Variants in SAFB observed in about 807,000 individuals in gnomAD.
The protein encoded by SAFB is scaffold attachment factor B, also known as scaffold attachment factor B1.
A neutral mutation model predicts 101.6 loss-of-function variants in SAFB; 15 were observed. The ratio of observed to expected loss-of-function variants is 0.15; its 90% CI spans 0.10 to 0.23. The LOEUF (loss-of-function observed/expected upper bound fraction) is 0.23, where lower values mean the gene tolerates loss of function less well. Among genes scored for constraint, SAFB ranks in the 10% least tolerant of loss-of-function variants. The probability of loss-of-function intolerance (pLI) is 1.00; values close to 1 mark genes in which losing one functional copy is unlikely to be tolerated. For missense variants in SAFB, 930 were observed against 1,104.1 expected (o/e 0.84, Z 2.23); for synonymous variants, 449 against 407.5 (o/e 1.10, Z -1.23).
At chr19:5,623,605 G>A (rs1443874363) in intron 1 of SAFB, among the ~76,000 whole-genome samples, 1 of 152,168 alleles carries the variant, frequency 6.6e-6, no homozygotes, top group African/African-American at 2.4e-5. Context: ...AATGGGGCCA[G>A]GAGAACCACA....
At chr19:5,653,067 GCTCAGTGGGCTTCATGT>G (rs1568269610) in intron 9 of SAFB, 31 bp from the exon 10 acceptor site, 1 of 1,606,866 alleles carries the variant, frequency 6.2e-7, no homozygotes, top group East Asian at 2.2e-5. Flanking sequence ...CCCATGCCCC[GCTCAGTGGGCTTCATGT>G]CTGAGTCATA....
At position 5,649,950 on chromosome 19, in the gene SAFB, A is replaced by T; in HGVS notation, c.1173A>T (p.Thr391=). 6.2e-7 allele frequency: 1 copy of T among 1,613,862 alleles called. No homozygotes were observed. The highest frequency in any genetic ancestry group is 2.2e-5 in the East Asian group (1 of 44,872). The change falls in exon 8 of 21, where the codon ACA becomes ACT. Residue 391 remains threonine (T), a synonymous_variant. Coordinates refer to ENST00000588852, the MANE Select transcript of SAFB (RefSeq NM_001201338.2). ...KMSSPEDDSD[T]KRLSKEEKGR... is the part of the protein sequence containing the mutation. ...GTTCTCCCGAAGATGACTCGGATAC[A>T]AAAAGGCTTTCCAAAGAGGAAAAGG...
In SAFB at chr19:5,667,181, C is replaced by A; in HGVS notation, c.2453+17C>A. 1.4e-6 allele frequency: 2 copies of A among 1,454,062 alleles called. No homozygotes were observed. The highest frequency in any genetic ancestry group is 2.3e-5 in the East Asian group (1 of 43,616). 90.1% of individuals were successfully genotyped at this position (1,454,062 alleles called of 1,614,324 possible). ...TCCCCCCAGGTTTGTGTCCCACACC[C>A]GACAGTACCTGACCCCCCCCCCGCC... On this transcript the variant is annotated intron_variant, in intron 18 of 20. Coordinates refer to ENST00000588852, the MANE Select transcript of SAFB (RefSeq NM_001201338.2). The surrounding 1 kb of genome is among the most constrained non-coding windows in gnomAD (Gnocchi z 4.0).
At chr19:5,639,110 A>T (rs1266565422) in intron 2 of SAFB, among the ~76,000 whole-genome samples, 1 of 152,248 alleles carries the variant, frequency 6.6e-6, no homozygotes, top group Admixed American at 6.5e-5. Flanking sequence ...GAGAATGGAA[A>T]CAAGTAATCC....
chr19:5,655,436 GGAGA>G (rs917414229), intron 13 of SAFB, among the ~76,000 whole-genome samples: 18 of 148,550 alleles, frequency 1.2e-4, no homozygotes, highest in African/African-American at 4.5e-4. Flanking sequence ...CTCTAGCCTG[GGAGA>G]GAGAGTGAGA....
Position 5,659,521 on chromosome 19 carries a change from A to G in SAFB, c.1863-1997A>G, listed in dbSNP as rs781481404. The stretch of plus-strand genomic sequence containing the variant: ...CTCAGCCTCCCTAGTAACTGGGACT[A>G]CAGGCGCCTGCCATCATGCCCAGCT... On this transcript the variant is annotated intron_variant, in intron 14 of 20. Coordinates refer to ENST00000588852, the MANE Select transcript of SAFB (RefSeq NM_001201338.2). Among the ~76,000 whole-genome samples the G allele has an allele frequency of 6.4e-4, 97 of 151,802 alleles. 1 individual carries two copies. In the Middle Eastern group the frequency reaches 0.01, roughly 16 times the overall value.
chr19:5,623,504 C>G (rs933947173), intron 1 of SAFB, 110 bp downstream of exon 1: 6 of 864,954 alleles, frequency 6.9e-6, no homozygotes, highest in Non-Finnish European at 1.0e-5. Context: ...GCGGCCTCGC[C>G]GGACCTGGCG....
chr19:5,623,138 T>G lies in SAFB; in HGVS notation c.-68T>G. The G allele has an allele frequency of 3.4e-6, 5 of 1,472,858 alleles. No individual in the cohort carries two copies. Among genetic ancestry groups the G allele is most frequent in the Non-Finnish European group, 4.6e-6 (5 of 1,089,160 alleles). 91.2% of individuals were successfully genotyped at this position (1,472,858 alleles called of 1,614,324 possible). On this transcript the variant is annotated 5_prime_UTR_variant, in exon 1 of 21. Transcript: ENST00000588852. ...GGTTCCCTCGCAGGCGGCGCCATTT[T>G]GTGCTAGGAGCCTGATAAAACCGGC... is the stretch of plus-strand genomic sequence containing the variant.
intron 1 of SAFB, among the ~76,000 whole-genome samples, chr19:5,623,696 C>T (rs1055544117): frequency 1.2e-4 from 19 of 152,228 alleles, no homozygotes; most frequent in Admixed American, 4.6e-4. Context: ...CTCGTCCCCT[C>T]CTCCGTACCT....
intron 2 of SAFB, among the ~76,000 whole-genome samples, chr19:5,634,996 G>A (rs1350476316): frequency 6.6e-6 from 1 of 152,006 alleles, no homozygotes; most frequent in African/African-American, 2.4e-5. Context: ...AAATTAACCG[G>A]GTGTGGTGGC....
At chr19:5,649,762 G>C (rs2053895074) in intron 7 of SAFB, 164 bp from the exon 8 acceptor site, 1 of 805,246 alleles carries the variant, frequency 1.2e-6, no homozygotes, top group East Asian at 2.7e-5. Context: ...CTGTGGGTCT[G>C]AAATCTTATG....
At chr19:5,626,257 A>C in intron 1 of SAFB, 148 bp from the exon 2 acceptor site, 5 of 552,746 alleles carry the variant, frequency 9.0e-6, no homozygotes, top group South Asian at 2.4e-5. Flanking sequence ...GAGATAACAG[A>C]TGAGTGGATG....
chr19:5,627,087 A>T (rs2053381715), intron 2 of SAFB, among the ~76,000 whole-genome samples: 1 of 151,592 alleles, frequency 6.6e-6, no homozygotes, highest in Non-Finnish European at 1.5e-5. Context: ...TAGGAGGGGG[A>T]TCACTTGAGC....
chr19:5,646,680 G>A (rs2053834342), intron 5 of SAFB, among the ~76,000 whole-genome samples: 1 of 152,244 alleles, frequency 6.6e-6, no homozygotes, highest in African/African-American at 2.4e-5. Context: ...GTTTCATAGA[G>A]CATCCTGGAA....
intron 2 of SAFB, among the ~76,000 whole-genome samples, chr19:5,640,926 G>C (rs898679157): frequency 3.0e-5 from 4 of 134,092 alleles, no homozygotes; most frequent in Non-Finnish European, 4.8e-5. Context: ...TGGGTTTTTT[G>C]TTTTTCTTTT....
Position 5,661,909 on chromosome 19 carries a change from G to C in SAFB, c.2153+101G>C, listed in dbSNP as rs1303422426. 115 of 876,584 alleles carry C rather than the reference G, an allele frequency of 1.3e-4. No individual in the cohort carries two copies. The African/African-American group carries it at 1.7e-3, about 13-fold the overall frequency. 54.3% of individuals were successfully genotyped at this position (876,584 alleles called of 1,614,324 possible). A position where few individuals can be genotyped will look rare whatever the true frequency, so the allele number is the denominator to read the frequency against. ...GATTTTTTTTTTTTTTTTTGAGACG[G>C]AGTCTTGCTTTGTCGCGGAGGCTGG... On this transcript the variant is annotated intron_variant, in intron 15 of 20. Transcript: ENST00000588852.
chr19:5,633,974 AG>A (rs1427884616), intron 2 of SAFB, among the ~76,000 whole-genome samples: 2 of 152,110 alleles, frequency 1.3e-5, no homozygotes, highest in Non-Finnish European at 2.9e-5. Context: ...CCTCATGAAC[AG>A]TTTGGCAAAC....
At chr19:5,651,942 T>C (rs945223933) in intron 9 of SAFB, among the ~76,000 whole-genome samples, 7 of 152,352 alleles carry the variant, frequency 4.6e-5, no homozygotes, top group Non-Finnish European at 8.8e-5. Context: ...ACGCCTGTAA[T>C]TCCAGCACTT....
At chr19:5,643,975 A>G (rs1485112468) in intron 4 of SAFB, among the ~76,000 whole-genome samples, 3 of 152,182 alleles carry the variant, frequency 2.0e-5, no homozygotes, top group Admixed American at 6.5e-5. Context: ...GGAAGATTCA[A>G]TGGATGGATG....
Sources: allele counts gnomAD v4.1 joint callset (sites outside exome capture counted in the v4.1 genomes callset), GRCh38; gene constraint gnomAD v4.1.1; non-coding constraint Gnocchi (gnomAD v3.1); transcripts MANE v1.5; gene names NCBI Gene and HGNC (gene_info 2026-07-23, HGNC 2026-07-21).